TMEM229B: variants seen among roughly 807,000 people sequenced by gnomAD.
TMEM229B encodes the protein chromosome 14 open reading frame 83.
TMEM229B carries 6 observed loss-of-function variants against 13.7 expected under a neutral mutation model. The ratio of observed to expected loss-of-function variants is 0.44; its 90% CI spans 0.24 to 0.86. The LOEUF (loss-of-function observed/expected upper bound fraction) is 0.86, where lower values mean the gene tolerates loss of function less well. TMEM229B is among the 40% of genes least tolerant of loss of function. The probability of loss-of-function intolerance (pLI) is 0.23; values close to 1 mark genes in which losing one functional copy is unlikely to be tolerated. For synonymous variants in TMEM229B, 107 were observed against 102.1 expected (o/e 1.05, Z -0.29); for missense variants, 170 against 236.0 (o/e 0.72, Z 1.83).
intron 2 of TMEM229B, among the ~76,000 whole-genome samples, chr14:67,474,560 TTG>T (rs1288706526): frequency 6.6e-6 from 1 of 152,098 alleles, no homozygotes; most frequent in African/African-American, 2.4e-5. Flanking sequence ...ACATTTGTCC[TTG>T]TGTGTGTGCA....
intron 1 of TMEM229B, among the ~76,000 whole-genome samples, chr14:67,507,119 C>T (rs890184904): frequency 1.3e-5 from 2 of 152,126 alleles, no homozygotes; most frequent in African/African-American, 2.4e-5. Flanking sequence ...TTTAGCCTTG[C>T]CCTTTCAGGT....
At chr14:67,506,543 TA>T (rs2032832325) in intron 1 of TMEM229B, among the ~76,000 whole-genome samples, 4 of 152,050 alleles carry the variant, frequency 2.6e-5, no homozygotes, top group Admixed American at 1.3e-4. Flanking sequence ...ATAATGGGGA[TA>T]GGGGAATAAG....
intron 2 of TMEM229B, among the ~76,000 whole-genome samples, chr14:67,476,873 C>G (rs1356780136): frequency 6.6e-6 from 1 of 152,116 alleles, no homozygotes; most frequent in Non-Finnish European, 1.5e-5. Context: ...CGCCTGTAAT[C>G]CCAGCACTTT....
At chr14:67,531,909 C>A (rs2033468509) in intron 1 of TMEM229B, among the ~76,000 whole-genome samples, 1 of 81,842 alleles carries the variant, frequency 1.2e-5, no homozygotes, top group African/African-American at 6.0e-5. Context: ...GAACCTATGT[C>A]CAAAAAAAAA....
In TMEM229B at chr14:67,498,734, C is replaced by T. The variant is rs199642273; in HGVS notation, c.-191-11562G>A. On this transcript the variant is annotated intron_variant, in intron 1 of 2. Transcript: ENST00000357461. ...AGGCTGGAGTCCAGTGGCGTGATCT[C>T]GGCTCACCGCAGCCTCCATCTCCTG... Among the ~76,000 whole-genome samples the T allele has an allele frequency of 1.1e-4, 17 of 151,560 alleles. No homozygotes were observed. In the East Asian group the frequency reaches 3.3e-3, roughly 30 times the overall value.
intron 1 of TMEM229B, among the ~76,000 whole-genome samples, chr14:67,508,135 C>A (rs1401275334): frequency 6.9e-4 from 90 of 130,568 alleles, no homozygotes; most frequent in Admixed American, 9.2e-4. Context: ...AACTCCATCT[C>A]AAAAAAAAAA....
At chr14:67,485,963 C>T (rs2031851603) in intron 2 of TMEM229B, among the ~76,000 whole-genome samples, 1 of 152,234 alleles carries the variant, frequency 6.6e-6, no homozygotes, top group Admixed American at 6.5e-5. Context: ...CTACTCCAGG[C>T]CTCCTAGACC....
At position 67,473,031 on chromosome 14, in the gene TMEM229B, G is replaced by C; in HGVS notation, c.*389C>G. ...ACCAGCCAAAGCTCAACTAAATCCA[G>C]ATCGGAGGGAGGGAGGTCAGGCCTT... On this transcript the variant is annotated 3_prime_UTR_variant, in exon 3 of 3. Coordinates refer to ENST00000554480, the MANE Select transcript of TMEM229B (RefSeq NM_001348543.2). The surrounding 1 kb of genome is among the most constrained non-coding windows in gnomAD (Gnocchi z 6.5). The C allele has an allele frequency of 4.4e-6, 1 of 228,436 alleles. No individual in the cohort carries two copies. The highest frequency in any genetic ancestry group is 8.7e-6 in the Non-Finnish European group (1 of 114,990). The allele number at this position is 228,436 out of a possible 1,614,324, so 14.2% of individuals were successfully genotyped here.
intron 2 of TMEM229B, among the ~76,000 whole-genome samples, chr14:67,478,508 AGT>A (rs1489432126): frequency 6.6e-6 from 1 of 152,236 alleles, no homozygotes; most frequent in African/African-American, 2.4e-5. Context: ...AGGATGAAAG[AGT>A]GTGTAGAAAA....
At chr14:67,492,685 T>A (rs550287003), upstream of TMEM229B, among the ~76,000 whole-genome samples, 1 of 152,222 alleles carries the variant, frequency 6.6e-6, no homozygotes, top group Non-Finnish European at 1.5e-5. Flanking sequence ...ACTCCGCTTT[T>A]CACAGCCTGT....
chr14:67,522,225 G>C (rs1361746826), intron 1 of TMEM229B, among the ~76,000 whole-genome samples: 4 of 152,138 alleles, frequency 2.6e-5, no homozygotes, highest in Admixed American at 2.6e-4. Flanking sequence ...TTGTGCGGGA[G>C]AGCCCCATTC....
intron 1 of TMEM229B, chr14:67,533,580 C>G (rs2140295410): frequency 6.6e-6 from 1 of 152,176 alleles, no homozygotes; most frequent in East Asian, 1.9e-4. Flanking sequence ...CTTGGGAAGC[C>G]GGGCGCCCCA....
chr14:67,486,011 C>A (rs978895085), intron 2 of TMEM229B, among the ~76,000 whole-genome samples: 4 of 152,218 alleles, frequency 2.6e-5, no homozygotes, highest in Non-Finnish European at 5.9e-5. Flanking sequence ...TGGGCAGAGT[C>A]CAGTCCCAGG....
chr14:67,527,727 G>C (rs2033389317), intron 1 of TMEM229B, among the ~76,000 whole-genome samples: 1 of 152,174 alleles, frequency 6.6e-6, no homozygotes, highest in Admixed American at 6.5e-5. Context: ...CTTATCTCCA[G>C]GCTGAGGATG....
chr14:67,522,318 T>G (rs996044526), intron 1 of TMEM229B, among the ~76,000 whole-genome samples: 1 of 152,188 alleles, frequency 6.6e-6, no homozygotes, highest in African/African-American at 2.4e-5. Context: ...CTGGGCAAAT[T>G]TAAAAGAATT....
chr14:67,517,055 G>A (rs922312623), upstream of TMEM229B, among the ~76,000 whole-genome samples: 1 of 152,218 alleles, frequency 6.6e-6, no homozygotes, highest in Non-Finnish European at 1.5e-5. Flanking sequence ...GCTGGAGATA[G>A]GTCAGGGAAA....
chr14:67,502,745 C>T (rs892031051), intron 1 of TMEM229B, among the ~76,000 whole-genome samples: 4 of 151,936 alleles, frequency 2.6e-5, no homozygotes, highest in African/African-American at 9.7e-5. Context: ...AGCCACCGCG[C>T]CGGGCCCCAG....
chr14:67,481,323 G>C (rs1258163018), intron 2 of TMEM229B, among the ~76,000 whole-genome samples: 4 of 152,142 alleles, frequency 2.6e-5, no homozygotes, highest in African/African-American at 9.7e-5. Context: ...AAGCGAGATG[G>C]GGGAGAGAGA....
intron 1 of TMEM229B, among the ~76,000 whole-genome samples, chr14:67,521,799 A>C (rs184442022): frequency 6.6e-6 from 1 of 152,258 alleles, no homozygotes; most frequent in Non-Finnish European, 1.5e-5. Flanking sequence ...ATAAGAGCAC[A>C]CATTGAAACC....
Sources: allele counts gnomAD v4.1 joint callset (sites outside exome capture counted in the v4.1 genomes callset), GRCh38; gene constraint gnomAD v4.1.1; non-coding constraint Gnocchi (gnomAD v3.1); transcripts MANE v1.5; gene names NCBI Gene and HGNC (gene_info 2026-07-23, HGNC 2026-07-21).